RASAL2: variants seen among roughly 807,000 people sequenced by gnomAD.
The protein encoded by RASAL2 is ras GTPase-activating protein nGAP.
In RASAL2, 58 loss-of-function variants were observed where a neutral mutation model predicts 128.9. The ratio of observed to expected loss-of-function variants is 0.45; its 90% CI spans 0.36 to 0.56. The LOEUF is 0.56. RASAL2 is among the 20% of genes least tolerant of loss of function. The pLI, the probability that RASAL2 is intolerant of heterozygous loss-of-function variation, is 0.00. For synonymous variants in RASAL2, 561 were observed against 580.8 expected (o/e 0.97, Z 0.49); for missense variants, 1,360 against 1,601.6 (o/e 0.85, Z 2.57).
intron 1 of RASAL2, among the ~76,000 whole-genome samples, chr1:178,181,221 G>C (rs1352544595): frequency 6.6e-6 from 1 of 151,914 alleles, no homozygotes; most frequent in Non-Finnish European, 1.5e-5. Flanking sequence ...AAATCACCAA[G>C]ATGGTACAGA....
chr1:178,171,087 C>A (rs565950950), intron 1 of RASAL2, among the ~76,000 whole-genome samples: 1 of 151,996 alleles, frequency 6.6e-6, no homozygotes, highest in East Asian at 1.9e-4. Context: ...ATACACCATT[C>A]CACGTGGGTT....
chr1:178,453,501 ATTC>A (rs1218544276), intron 11 of RASAL2, among the ~76,000 whole-genome samples: 10 of 152,100 alleles, frequency 6.6e-5, no homozygotes, highest in Non-Finnish European at 1.3e-4. Context: ...TTCATTGTAT[ATTC>A]TTTCAACTTT....
chr1:178,326,845 A>G (rs1348450070), intron 3 of RASAL2, among the ~76,000 whole-genome samples: 1 of 152,212 alleles, frequency 6.6e-6, no homozygotes, highest in East Asian at 1.9e-4. Flanking sequence ...CTCCTGGCCA[A>G]TTTTGTTTTC....
chr1:178,359,761 T>C (rs926279380), intron 3 of RASAL2, among the ~76,000 whole-genome samples: 6 of 152,210 alleles, frequency 3.9e-5, no homozygotes, highest in Admixed American at 1.3e-4. Context: ...TAAATGACTG[T>C]AGATCTTTGA....
intron 4 of RASAL2, among the ~76,000 whole-genome samples, chr1:178,408,612 G>GTTTTTTTTTTTTTTTTTT (rs756656921): frequency 7.0e-5 from 10 of 142,462 alleles, no homozygotes; most frequent in African/African-American, 2.9e-4. Context: ...GTTTTTTTTT[G>GTTTTTTTTTTTTTTTTTT]TTTTTTGTTT....
chr1:178,112,898 T>C (rs1398803023), intron 1 of RASAL2, among the ~76,000 whole-genome samples: 1 of 151,956 alleles, frequency 6.6e-6, no homozygotes, highest in Non-Finnish European at 1.5e-5. Context: ...ACCCTAAAAC[T>C]TAAAGTATAA....
chr1:178,170,307 T>C (rs1661664319), intron 1 of RASAL2, among the ~76,000 whole-genome samples: 1 of 151,826 alleles, frequency 6.6e-6, no homozygotes, highest in Non-Finnish European at 1.5e-5. Flanking sequence ...TAAATTGAGA[T>C]AGAGAAATTC....
intron 1 of RASAL2, among the ~76,000 whole-genome samples, chr1:178,235,840 A>C (rs1664209002): frequency 6.6e-6 from 1 of 152,190 alleles, no homozygotes; most frequent in Admixed American, 6.5e-5. Flanking sequence ...GCAAAAGACT[A>C]CCAAATAACT....
intron 5 of RASAL2, among the ~76,000 whole-genome samples, chr1:178,422,379 A>G (rs1675210944): frequency 6.6e-6 from 1 of 152,108 alleles, no homozygotes; most frequent in South Asian, 2.1e-4. Flanking sequence ...TCAATAGCAA[A>G]GTCTTTCTTT....
At chr1:178,127,636 T>C (rs528902315) in intron 1 of RASAL2, among the ~76,000 whole-genome samples, 4 of 152,192 alleles carry the variant, frequency 2.6e-5, no homozygotes, top group South Asian at 4.1e-4. Flanking sequence ...GAACATTACA[T>C]TTTATAACTT....
chr1:178,214,724 A>G (rs1176066771), intron 1 of RASAL2, among the ~76,000 whole-genome samples: 1 of 151,972 alleles, frequency 6.6e-6, no homozygotes, highest in African/African-American at 2.4e-5. Context: ...ACGCTCGGCT[A>G]ATTTTTTGTA....
intron 3 of RASAL2, among the ~76,000 whole-genome samples, chr1:178,320,836 CT>C (rs2102334030): frequency 6.6e-6 from 1 of 152,238 alleles, no homozygotes; most frequent in African/African-American, 2.4e-5. Context: ...ATTATTATGA[CT>C]ATTTAATTCG....
chr1:178,160,114 T>C (rs1195712919), intron 1 of RASAL2, among the ~76,000 whole-genome samples: 2 of 152,048 alleles, frequency 1.3e-5, no homozygotes, highest in South Asian at 2.1e-4. Flanking sequence ...GTTTGTTGCA[T>C]ATGTATACAT....
At chr1:178,248,100 C>G (rs1033824718) in intron 1 of RASAL2, among the ~76,000 whole-genome samples, 1 of 152,190 alleles carries the variant, frequency 6.6e-6, no homozygotes, top group Non-Finnish European at 1.5e-5. Flanking sequence ...TGGTCCAGAG[C>G]TGAGTTCAAA....
intron 2 of RASAL2, among the ~76,000 whole-genome samples, chr1:178,296,741 C>T (rs1174464074): frequency 6.8e-6 from 1 of 146,842 alleles, no homozygotes; most frequent in Non-Finnish European, 1.5e-5. Context: ...GGCACAGTCT[C>T]GGCTCACTGC....
chr1:178,275,330 G>A (rs1666449192), intron 1 of RASAL2, among the ~76,000 whole-genome samples: 1 of 152,210 alleles, frequency 6.6e-6, no homozygotes, highest in Non-Finnish European at 1.5e-5. Flanking sequence ...ATAGAGGCAT[G>A]CCCTGATATC....
At chr1:178,214,327 G>T (rs1408291936) in intron 1 of RASAL2, among the ~76,000 whole-genome samples, 1 of 152,130 alleles carries the variant, frequency 6.6e-6, no homozygotes, top group Admixed American at 6.5e-5. Context: ...TTTCAGGAAG[G>T]TAAGAAGATT....
At chr1:178,389,023 C>G (rs748015346) in intron 3 of RASAL2, among the ~76,000 whole-genome samples, 3 of 152,264 alleles carry the variant, frequency 2.0e-5, no homozygotes, top group Admixed American at 6.5e-5. Flanking sequence ...AAAAAACGCT[C>G]TCTCTTAAGT....
At chr1:178,249,847 G>C (rs897927256) in intron 1 of RASAL2, among the ~76,000 whole-genome samples, 1 of 152,010 alleles carries the variant, frequency 6.6e-6, no homozygotes, top group Non-Finnish European at 1.5e-5. Context: ...GCTCCAGTTT[G>C]CTGGAGGTCC....
Sources: gnomAD v4.1 joint callset for allele counts (sites outside exome capture counted in the v4.1 genomes callset) on GRCh38, gnomAD v4.1.1 for gene constraint, MANE v1.5 for transcripts, NCBI Gene and HGNC (gene_info 2026-07-23, HGNC 2026-07-21) for gene names.